Variants in DHX32 observed in about 807,000 individuals in gnomAD.
DHX32 encodes the protein DEAH-box helicase 32 (putative).
DHX32 carries 51 observed loss-of-function variants against 70.0 expected under a neutral mutation model. The ratio of observed to expected loss-of-function variants is 0.73; its 90% CI spans 0.58 to 0.92. DHX32 has a LOEUF of 0.92. Among genes scored for constraint, DHX32 ranks in the 40% least tolerant of loss-of-function variants. The probability of loss-of-function intolerance (pLI) is 0.00; values close to 1 mark genes in which losing one functional copy is unlikely to be tolerated. For synonymous variants in DHX32, 310 were observed against 315.3 expected (o/e 0.98, Z 0.18); for missense variants, 762 against 891.8 (o/e 0.85, Z 1.85).
chr10:125,872,407 A>G (rs888926425), intron 1 of DHX32, among the ~76,000 whole-genome samples: 1 of 152,220 alleles, frequency 6.6e-6, no homozygotes, highest in African/African-American at 2.4e-5. Context: ...AACTTTTTTC[A>G]GAGAAACATT....
chr10:125,876,027 T>C (rs1402804223), intron 1 of DHX32, among the ~76,000 whole-genome samples: 5 of 152,336 alleles, frequency 3.3e-5, no homozygotes, highest in South Asian at 2.1e-4. Flanking sequence ...GAACCTAAGA[T>C]TGGCCTTCTG....
intron 1 of DHX32, among the ~76,000 whole-genome samples, chr10:125,893,532 C>T (rs796459809): frequency 6.6e-6 from 1 of 152,186 alleles, no homozygotes; most frequent in East Asian, 1.9e-4. Context: ...CGTGAGCCAC[C>T]GCGCCCGGCC....
intron 1 of DHX32, among the ~76,000 whole-genome samples, chr10:125,870,520 T>C (rs1358787467): frequency 6.6e-6 from 1 of 152,168 alleles, no homozygotes; most frequent in Non-Finnish European, 1.5e-5. Context: ...CATGAAATTC[T>C]CAGGCAATCA....
rs149569987 is a variant in DHX32 at position 125,844,362 on chromosome 10, G to T, written c.1352-2428C>A. 2.1e-3 allele frequency among the ~76,000 whole-genome samples: 313 copies of T among 152,346 alleles called. 1 individual carries two copies. Among genetic ancestry groups the T allele is most frequent in the African/African-American group, 7.3e-3 (303 of 41,592 alleles). On this transcript the variant is annotated intron_variant, in intron 6 of 10. Transcript: ENST00000284690. ...GGATCTTTGGCAATGGTCCCTTTAA[G>T]CATCTGGCTTGACAGCCAGGCTCTG...
chr10:125,845,303 T>C (rs1944000630), intron 6 of DHX32, among the ~76,000 whole-genome samples: 1 of 152,222 alleles, frequency 6.6e-6, no homozygotes, highest in Non-Finnish European at 1.5e-5. Flanking sequence ...CAGGTCTCTT[T>C]TGTTATAACA....
At chr10:125,847,929 C>T (rs1257632341) in intron 6 of DHX32, among the ~76,000 whole-genome samples, 1 of 152,194 alleles carries the variant, frequency 6.6e-6, no homozygotes, top group East Asian at 1.9e-4. Flanking sequence ...GTAATGCTCG[C>T]TTGCCCCCCA....
chr10:125,889,705 T>C (rs1395826721), intron 1 of DHX32, among the ~76,000 whole-genome samples: 1 of 152,192 alleles, frequency 6.6e-6, no homozygotes, highest in East Asian at 1.9e-4. Flanking sequence ...AGAAGCCTGG[T>C]TCCATACTAC....
rs1854854933 is a variant in DHX32 at position 125,840,772 on chromosome 10, A to G, written c.1693+75T>C. On this transcript the variant is annotated intron_variant, in intron 8 of 10. Coordinates refer to ENST00000284690, the MANE Select transcript of DHX32 (RefSeq NM_018180.3). Reference sequence around the variant, plus strand: ...AGGGCTGGCGAAGAATGTTTGATGAATAACTAATAAGGACTCAGACTTATC... The same window carrying G: ...AGGGCTGGCGAAGAATGTTTGATGAGTAACTAATAAGGACTCAGACTTATC... 3.5e-6 allele frequency: 5 copies of G among 1,441,046 alleles called. No homozygotes were observed. The South Asian group carries it at 6.4e-5, about 18-fold the overall frequency. The allele number at this position is 1,441,046 out of a possible 1,614,324, so 89.3% of individuals were successfully genotyped here. A position where few individuals can be genotyped will look rare whatever the true frequency, so the allele number is the denominator to read the frequency against.
chr10:125,875,450 G>C (rs1944278858), intron 1 of DHX32, among the ~76,000 whole-genome samples: 1 of 152,096 alleles, frequency 6.6e-6, no homozygotes, highest in Admixed American at 6.5e-5. Flanking sequence ...GCCACATTGG[G>C]GGCAATTTGA....
chr10:125,878,343 G>A (rs1435175992), intron 1 of DHX32, among the ~76,000 whole-genome samples: 1 of 152,208 alleles, frequency 6.6e-6, no homozygotes, highest in Non-Finnish European at 1.5e-5. Context: ...AGATGACTAA[G>A]TAAAGAAGAC....
chr10:125,849,021 TG>T (rs1944057999), intron 6 of DHX32, among the ~76,000 whole-genome samples: 1 of 152,198 alleles, frequency 6.6e-6, no homozygotes, highest in Non-Finnish European at 1.5e-5. Flanking sequence ...CCCCTCAATA[TG>T]GGGACCATCT....
chr10:125,856,127 T>G (rs963691674), intron 3 of DHX32, among the ~76,000 whole-genome samples: 1 of 152,256 alleles, frequency 6.6e-6, no homozygotes, highest in Non-Finnish European at 1.5e-5. Flanking sequence ...TCAGACATTT[T>G]GTTTATTCAT....
At chr10:125,862,187 TAAC>T (rs2134056273) in intron 2 of DHX32, among the ~76,000 whole-genome samples, 1 of 152,344 alleles carries the variant, frequency 6.6e-6, no homozygotes, top group South Asian at 2.1e-4. Context: ...TGTCAAATTA[TAAC>T]GATTGCTTCC....
At chr10:125,861,424 G>A (rs1413346966) in intron 2 of DHX32, among the ~76,000 whole-genome samples, 1 of 152,150 alleles carries the variant, frequency 6.6e-6, no homozygotes, top group Non-Finnish European at 1.5e-5. Context: ...GTGAACTGGA[G>A]AGGCGGAGCT....
intron 3 of DHX32, among the ~76,000 whole-genome samples, chr10:125,859,225 C>T (rs781638999): frequency 1.3e-5 from 2 of 152,038 alleles, no homozygotes; most frequent in Non-Finnish European, 2.9e-5. Flanking sequence ...CTCCAACAAA[C>T]ACACCTGCTC....
Position 125,836,588 on chromosome 10 carries a change from G to T in DHX32, c.*99C>A, listed in dbSNP as rs762783392. On this transcript the variant is annotated 3_prime_UTR_variant, in exon 11 of 11. Transcript: ENST00000284690. ...TTATTTTCTTCAAGACCGTCCTGTG[G>T]ATGTGAAATCCGTCTTCGCGTCATG... is the stretch of plus-strand genomic sequence containing the variant. 33 of 1,450,314 alleles carry T rather than the reference G, an allele frequency of 2.3e-5. No homozygotes were observed. Among genetic ancestry groups the T allele is most frequent in the Non-Finnish European group, 3.1e-5 (33 of 1,081,230 alleles). 89.8% of individuals were successfully genotyped at this position (1,450,314 alleles called of 1,614,324 possible).
Position 125,880,757 on chromosome 10 carries a change from T to G in DHX32, c.68A>C (p.Asp23Ala). ...SEKRYFPESL[D>A]SSDGDEEEVL... ...CTCTTCCTCATCCCCATCGCTGGAATCCAGGGATTCAGGAAAATAGCGTTT... is the reference window on the plus strand; with the variant it reads ...CTCTTCCTCATCCCCATCGCTGGAAGCCAGGGATTCAGGAAAATAGCGTTT... Residue 23 changes from aspartate (D) to alanine (A), a missense_variant, in exon 1 of 11, where the codon GAT (aspartate) becomes GCT (alanine). Physicochemically the swap from Asp to Ala is moderately radical, Grantham distance 126 (BLOSUM62 -2). This residue lies in a region of DHX32 where 394 missense variants were observed against 473.1 expected (regional missense o/e 0.83). Coordinates refer to ENST00000284690, the MANE Select transcript of DHX32 (RefSeq NM_018180.3). The G allele has an allele frequency of 6.2e-7, 1 of 1,614,226 alleles. No individual in the cohort carries two copies. Among genetic ancestry groups the G allele is most frequent in the Non-Finnish European group, 8.5e-7 (1 of 1,180,038 alleles).
At chr10:125,872,786 C>A (rs1428448984) in intron 1 of DHX32, among the ~76,000 whole-genome samples, 2 of 152,134 alleles carry the variant, frequency 1.3e-5, no homozygotes, top group African/African-American at 4.8e-5. Flanking sequence ...GGTAAGCAAT[C>A]GAGGCATGAG....
At chr10:125,888,029 C>T (rs1944349348) in intron 1 of DHX32, among the ~76,000 whole-genome samples, 1 of 152,140 alleles carries the variant, frequency 6.6e-6, no homozygotes, top group Non-Finnish European at 1.5e-5. Context: ...GCCCACTCAA[C>T]AGTAAATTAG....
Sources: gnomAD v4.1 joint callset for allele counts (sites outside exome capture counted in the v4.1 genomes callset) on GRCh38, gnomAD v4.1.1 for gene constraint, gnomAD v4.1.1 regional missense constraint, MANE v1.5 for transcripts, NCBI Gene and HGNC (gene_info 2026-07-23, HGNC 2026-07-21) for gene names.